UCHL3: variants seen among roughly 807,000 people sequenced by gnomAD.
UCHL3 encodes the protein ubiquitin carboxyl-terminal hydrolase isozyme L3.
In UCHL3, 22 loss-of-function variants were observed where a neutral mutation model predicts 35.8. That is an observed-to-expected ratio of 0.61 (90% CI 0.44 to 0.88). The LOEUF is 0.88. UCHL3 is among the 40% of genes least tolerant of loss of function. UCHL3 has a pLI of 0.00. For synonymous variants in UCHL3, 90 were observed against 92.8 expected (o/e 0.97, Z 0.17); for missense variants, 229 against 276.9 (o/e 0.83, Z 1.23).
intron 5 of UCHL3, among the ~76,000 whole-genome samples, chr13:75,567,551 AT>A (rs371007368): frequency 0.12 from 17,736 of 147,544 alleles, 1,320 homozygotes; most frequent in Middle Eastern, 0.3. Flanking sequence ...TGATTTACAA[AT>A]TTTTTTTTTT....
intron 7 of UCHL3, among the ~76,000 whole-genome samples, chr13:75,599,177 C>A (rs1475462173): frequency 2.7e-5 from 4 of 146,220 alleles, no homozygotes; most frequent in Admixed American, 1.4e-4. Flanking sequence ...AGCTATGTTG[C>A]CCAGGCTGGT....
intron 6 of UCHL3, among the ~76,000 whole-genome samples, chr13:75,572,732 T>C (rs1041289587): frequency 2.0e-5 from 3 of 152,134 alleles, no homozygotes; most frequent in African/African-American, 4.8e-5. Context: ...ACAAAACATA[T>C]CCATTAGCCA....
chr13:75,551,771 A>T (rs529352795), intron 2 of UCHL3, among the ~76,000 whole-genome samples: 1 of 152,228 alleles, frequency 6.6e-6, no homozygotes, highest in Non-Finnish European at 1.5e-5. Flanking sequence ...CCTGTGATTC[A>T]GCTGCTAGTG....
intron 6 of UCHL3, among the ~76,000 whole-genome samples, chr13:75,588,361 C>T (rs567456637): frequency 6.6e-6 from 1 of 152,072 alleles, no homozygotes; most frequent in East Asian, 1.9e-4. Context: ...CATTTATTTC[C>T]CCTTTTTATT....
intron 2 of UCHL3, among the ~76,000 whole-genome samples, chr13:75,559,254 A>T (rs1324407126): frequency 6.7e-6 from 1 of 150,300 alleles, no homozygotes; most frequent in East Asian, 2.0e-4. Flanking sequence ...ATTAGCCAGG[A>T]TGGTCTCGAT....
At position 75,595,008 on chromosome 13, in the gene UCHL3, T is replaced by G; in HGVS notation, c.550+18T>G. ...TGAATTAGGTAAGAACTATTTTAATTTGTCCTGGGGAGAGAAATGGTAAAT... is the reference window on the plus strand; with the variant it reads ...TGAATTAGGTAAGAACTATTTTAATGTGTCCTGGGGAGAGAAATGGTAAAT... On this transcript the variant is annotated intron_variant, in intron 7 of 8. Coordinates refer to ENST00000377595, the MANE Select transcript of UCHL3 (RefSeq NM_006002.5). 3 of 1,571,960 alleles carry G rather than the reference T, an allele frequency of 1.9e-6. No homozygotes were observed. The highest frequency in any genetic ancestry group is 2.6e-6 in the Non-Finnish European group (3 of 1,152,520).
At chr13:75,580,421 C>G (rs950250009) in intron 6 of UCHL3, among the ~76,000 whole-genome samples, 1 of 152,140 alleles carries the variant, frequency 6.6e-6, no homozygotes, top group African/African-American at 2.4e-5. Flanking sequence ...CATGCATGCG[C>G]ACACACATGT....
At chr13:75,592,452 A>ATATATATATATATATATATATG (rs2032529213) in intron 6 of UCHL3, among the ~76,000 whole-genome samples, 1 of 114,836 alleles carries the variant, frequency 8.7e-6, no homozygotes, top group African/African-American at 3.2e-5. Context: ...ATATATATAT[A>ATATATATATATATATATATATG]TATATATATA....
chr13:75,563,694 T>C (rs907094457), intron 3 of UCHL3, among the ~76,000 whole-genome samples: 1 of 152,202 alleles, frequency 6.6e-6, no homozygotes, highest in Non-Finnish European at 1.5e-5. Context: ...AGTCTTCTAC[T>C]TGTTTTTCCT....
intron 6 of UCHL3, among the ~76,000 whole-genome samples, chr13:75,592,025 C>T (rs1292840433): frequency 6.6e-6 from 1 of 151,790 alleles, no homozygotes; most frequent in Admixed American, 6.6e-5. Flanking sequence ...GATGCTCAAC[C>T]AGTATGATGA....
chr13:75,584,953 C>A (rs2032283096), intron 6 of UCHL3, among the ~76,000 whole-genome samples: 1 of 151,810 alleles, frequency 6.6e-6, no homozygotes, highest in South Asian at 2.1e-4. Flanking sequence ...GGGGGAAAAA[C>A]CACACAAAAC....
chr13:75,572,675 GGGGGTTA>G (rs1285236065), intron 6 of UCHL3, among the ~76,000 whole-genome samples: 2 of 152,208 alleles, frequency 1.3e-5, no homozygotes, highest in African/African-American at 2.4e-5. Context: ...AAAAAAAGTA[GGGGGTTA>G]GGGGTGGCAA....
intron 6 of UCHL3, among the ~76,000 whole-genome samples, chr13:75,574,606 A>G (rs1274125392): frequency 6.6e-6 from 1 of 152,210 alleles, no homozygotes; most frequent in Non-Finnish European, 1.5e-5. Context: ...GATTGTTGTG[A>G]AGACTAATGA....
intron 6 of UCHL3, chr13:75,589,822 G>A: frequency 2.4e-6 from 2 of 818,716 alleles, no homozygotes; most frequent in Non-Finnish European, 3.3e-6. Context: ...ATAGATTATG[G>A]TTATTAAAAA....
At chr13:75,599,690 T>A (rs1315158219) in intron 7 of UCHL3, among the ~76,000 whole-genome samples, 1 of 152,216 alleles carries the variant, frequency 6.6e-6, no homozygotes, top group African/African-American at 2.4e-5. Flanking sequence ...TTCTGACTGC[T>A]CCATTAACCA....
intron 2 of UCHL3, among the ~76,000 whole-genome samples, chr13:75,557,208 C>G (rs2031321866): frequency 1.3e-5 from 2 of 151,330 alleles, no homozygotes; most frequent in South Asian, 4.2e-4. Flanking sequence ...GGAGCAAGAC[C>G]CTGTCTGAAA....
Position 75,553,446 on chromosome 13 carries a change from A to G in UCHL3, c.54+3459A>G, listed in dbSNP as rs146334240. Among the ~76,000 whole-genome samples the G allele has an allele frequency of 3.4e-3, 525 of 152,310 alleles. 7 individuals carry two copies. Among genetic ancestry groups the G allele is most frequent in the African/African-American group, 0.012 (497 of 41,564 alleles). On this transcript the variant is annotated intron_variant, in intron 2 of 8. Transcript: ENST00000377595. Reference sequence around the variant, plus strand: ...TTGACCTTTCAGCAGCATTTGGTAGAATAGCTCACTCCATCTTTATTGAAA... The same window carrying G: ...TTGACCTTTCAGCAGCATTTGGTAGGATAGCTCACTCCATCTTTATTGAAA...
chr13:75,549,756 G>A, upstream of UCHL3: 1 of 1,452,922 alleles, frequency 6.9e-7, no homozygotes. Context: ...AGGCGCGCGT[G>A]GGCGGAAGCG....
intron 6 of UCHL3, among the ~76,000 whole-genome samples, chr13:75,576,003 C>T (rs772591240): frequency 7.2e-5 from 11 of 152,178 alleles, no homozygotes; most frequent in South Asian, 2.1e-4. Flanking sequence ...CTGACTACCT[C>T]GGCCTCCCAA....
Sources: allele counts gnomAD v4.1 joint callset (sites outside exome capture counted in the v4.1 genomes callset), GRCh38; gene constraint gnomAD v4.1.1; transcripts MANE v1.5; gene names NCBI Gene and HGNC (gene_info 2026-07-23, HGNC 2026-07-21).